The following SLC15A5 variants were observed in gnomAD, a reference collection of about 807,000 sequenced individuals.
SLC15A5 encodes the protein solute carrier family 15 member 5.
In SLC15A5, 58 loss-of-function variants were observed where a neutral mutation model predicts 56.1. That is an observed-to-expected ratio of 1.03 (90% CI 0.84 to 1.29). The LOEUF is 1.29. Among genes scored for constraint, SLC15A5 ranks in the 50% most tolerant of loss-of-function variants. SLC15A5 has a pLI of 0.00. For missense variants in SLC15A5, 681 were observed against 672.1 expected (o/e 1.01, Z -0.15); for synonymous variants, 264 against 250.5 (o/e 1.05, Z -0.51).
At chr12:16,191,710 T>C (rs1353627940) in intron 8 of SLC15A5, among the ~76,000 whole-genome samples, 1 of 152,122 alleles carries the variant, frequency 6.6e-6, no homozygotes, top group Non-Finnish European at 1.5e-5. Flanking sequence ...TCTCTCAGGT[T>C]TCATACTGTG....
At chr12:16,225,176 C>T (rs139174956) in intron 5 of SLC15A5, among the ~76,000 whole-genome samples, 2,042 of 152,052 alleles carry the variant, frequency 0.013, 22 homozygotes, top group Non-Finnish European at 0.017. Context: ...TGAGTAGTGC[C>T]GCAATAAACA....
rs1864757087 is a variant in SLC15A5, at chr12:16,271,569, AAAGGGGAGC to A, written c.584+983_584+991del. On this transcript the variant is annotated intron_variant, in intron 2 of 8. Transcript: ENST00000344941. This position sits in a 1 kb window ranked among gnomAD's most constrained non-coding sequence, Gnocchi z 8.0. ...ATATTAATATAATTGGAGAAAGAAAAAAGGGGAGCAAGAGAAAGAAAAAGAAAGAAAGAG... is the reference window on the plus strand; with the variant it reads ...ATATTAATATAATTGGAGAAAGAAAAAAGAGAAAGAAAAAGAAAGAAAGAG... Among the ~76,000 whole-genome samples the A allele has an allele frequency of 9.0e-6, 1 of 111,598 alleles. No individual in the cohort carries two copies. Among genetic ancestry groups the A allele is most frequent in the Non-Finnish European group, 1.8e-5 (1 of 55,372 alleles). 73.2% of individuals were successfully genotyped at this position (111,598 alleles called of 152,430 possible).
At chr12:16,262,185 G>GGT (rs1418096065) in intron 2 of SLC15A5, among the ~76,000 whole-genome samples, 1 of 152,142 alleles carries the variant, frequency 6.6e-6, no homozygotes, top group African/African-American at 2.4e-5. Flanking sequence ...CCATCATCCT[G>GGT]GTACAGGGCT....
chr12:16,260,295 AAAAG>A (rs1864630840), intron 2 of SLC15A5, among the ~76,000 whole-genome samples: 1 of 152,148 alleles, frequency 6.6e-6, no homozygotes, highest in South Asian at 2.1e-4. Flanking sequence ...ACTGATAACA[AAAAG>A]AAAACCCAGG....
At chr12:16,205,632 T>C (rs987854848) in intron 7 of SLC15A5, among the ~76,000 whole-genome samples, 44 of 143,082 alleles carry the variant, frequency 3.1e-4, no homozygotes, top group African/African-American at 1.0e-3. Flanking sequence ...CATATATATA[T>C]ACACATATAT....
chr12:16,277,656 A>G lies in SLC15A5; in HGVS notation c.30T>C (p.Asp10=). 6.5e-7 allele frequency: 1 copy of G among 1,535,474 alleles called. No individual in the cohort carries two copies. The highest frequency in any genetic ancestry group is 1.2e-5 in the South Asian group (1 of 83,940). MSVTGFTIT[D]EKVHLYHSIE... is the part of the protein sequence containing the mutation. ...TGCTGTGATATAAGTGTACTTTCTC[A>G]TCAGTTATGGTAAAGCCTGTAACAG... is the stretch of plus-strand genomic sequence containing the variant. The change falls in exon 1 of 9, where the codon GAT becomes GAC. Residue 10 remains aspartate, a synonymous_variant. Coordinates refer to ENST00000344941, the MANE Select transcript of SLC15A5 (RefSeq NM_001170798.1).
Position 16,224,528 on chromosome 12 carries a change from C to T in SLC15A5, c.1237G>A (p.Ala413Thr), listed in dbSNP as rs2136249598. The T allele has an allele frequency of 6.5e-7, 1 of 1,537,042 alleles. No homozygotes were observed. Among genetic ancestry groups the T allele is most frequent in the Non-Finnish European group, 8.7e-7 (1 of 1,146,832 alleles). ...TTTCCTGAAAGGGGCTGCTCCACTG[C>T]AGGGAAATGTTTTCGGTGTATTTCA... The part of the protein sequence containing the change: ...FFEIHRKHFP[A>T]VEQPLSGKVL... Residue 413 changes from alanine (A) to threonine (T), a missense_variant, in exon 6 of 9, where the codon GCA becomes ACA. Transcript: ENST00000344941.
At chr12:16,255,669 C>G (rs2136804368) in intron 3 of SLC15A5, among the ~76,000 whole-genome samples, 1 of 151,930 alleles carries the variant, frequency 6.6e-6, no homozygotes, top group South Asian at 2.1e-4. Context: ...TTAGAATCTA[C>G]TTAATATGGC....
At chr12:16,272,366 C>CTGGT (rs1864768883) in intron 2 of SLC15A5, among the ~76,000 whole-genome samples, 195 bp downstream of exon 2, 1 of 152,168 alleles carries the variant, frequency 6.6e-6, no homozygotes, top group Non-Finnish European at 1.5e-5. Context: ...TGGGAAGGTG[C>CTGGT]TGGTGAGTTG....
intron 4 of SLC15A5, among the ~76,000 whole-genome samples, chr12:16,240,109 C>T (rs1864398759): frequency 6.6e-6 from 1 of 152,132 alleles, no homozygotes; most frequent in African/African-American, 2.4e-5. Flanking sequence ...CATTTAGTCT[C>T]TCTTAATTTT....
At chr12:16,270,048 A>G (rs11056852) in intron 2 of SLC15A5, among the ~76,000 whole-genome samples, 76 of 152,286 alleles carry the variant, frequency 5.0e-4, no homozygotes, top group Middle Eastern at 3.4e-3. Flanking sequence ...GCAGATTATT[A>G]TGTCTCTTGA....
At chr12:16,273,430 A>G (rs914547328) in intron 1 of SLC15A5, among the ~76,000 whole-genome samples, 1 of 152,094 alleles carries the variant, frequency 6.6e-6, no homozygotes, top group Non-Finnish European at 1.5e-5. Context: ...TAAAGTGACA[A>G]AAGAAGGTCG....
intron 6 of SLC15A5, among the ~76,000 whole-genome samples, chr12:16,223,989 T>C (rs1864213847): frequency 1.3e-5 from 2 of 152,320 alleles, no homozygotes; most frequent in Middle Eastern, 6.8e-3. Context: ...GTGCTGGGAT[T>C]ACAGGCGTGA....
intron 5 of SLC15A5, among the ~76,000 whole-genome samples, chr12:16,224,997 G>C (rs1045765092): frequency 2.7e-5 from 4 of 150,446 alleles, no homozygotes; most frequent in African/African-American, 9.8e-5. Flanking sequence ...TTGTCCTTAT[G>C]ATAGTTTGCT....
Position 16,239,878 on chromosome 12 carries a change from G to A in SLC15A5, c.976-11C>T. On this transcript the variant is annotated splice_polypyrimidine_tract_variant and intron_variant, in intron 4 of 8. Transcript: ENST00000344941. ...ATATCCTGAAGGAATCTGTATTCGA[G>A]AGGGAAACATCCATGCATTAAGACA... is the stretch of plus-strand genomic sequence containing the variant. 1 of 1,534,644 alleles carries A rather than the reference G, an allele frequency of 6.5e-7. No homozygotes were observed. Among genetic ancestry groups the A allele is most frequent in the Non-Finnish European group, 8.7e-7 (1 of 1,145,468 alleles).
At chr12:16,189,940 G>T (rs893497427) in intron 8 of SLC15A5, 125 bp from the exon 9 acceptor site, 4 of 686,604 alleles carry the variant, frequency 5.8e-6, no homozygotes, top group Non-Finnish European at 2.2e-6. Context: ...CAACAGTGAC[G>T]ATTATTTAAG....
intron 5 of SLC15A5, among the ~76,000 whole-genome samples, chr12:16,236,220 T>C (rs1864350676): frequency 6.6e-6 from 1 of 152,156 alleles, no homozygotes; most frequent in African/African-American, 2.4e-5. Flanking sequence ...ATACTCATAG[T>C]GTAAACATTT....
intron 6 of SLC15A5, among the ~76,000 whole-genome samples, chr12:16,221,710 A>G (rs1326770101): frequency 6.6e-6 from 1 of 152,206 alleles, no homozygotes; most frequent in Non-Finnish European, 1.5e-5. Context: ...GAATGGACTC[A>G]TGGGGCAGGA....
In SLC15A5 at chr12:16,271,988, T is replaced by C. The variant is rs1284279202; in HGVS notation, c.584+573A>G. Among the ~76,000 whole-genome samples the C allele has an allele frequency of 6.6e-6, 1 of 152,156 alleles. No homozygotes were observed. Among genetic ancestry groups the C allele is most frequent in the African/African-American group, 2.4e-5 (1 of 41,450 alleles). On this transcript the variant is annotated intron_variant, in intron 2 of 8. Transcript: ENST00000344941. This position sits in a 1 kb window ranked among gnomAD's most constrained non-coding sequence, Gnocchi z 8.0. ...GGTGATGCTTTAACAAATTGCAAAA[T>C]ACTTCTTTCATCTTTGCATCTTCTC...
Sources: gnomAD v4.1 joint callset for allele counts (sites outside exome capture counted in the v4.1 genomes callset) on GRCh38, gnomAD v4.1.1 for gene constraint, Gnocchi (gnomAD v3.1) non-coding constraint, MANE v1.5 for transcripts, NCBI Gene and HGNC (gene_info 2026-07-23, HGNC 2026-07-21) for gene names.